Variants in MGAT4C observed in about 807,000 individuals in gnomAD.
MGAT4C encodes alpha-1,3-mannosyl-glycoprotein 4-beta-N-acetylglucosaminyltransferase C.
Under a neutral mutation model 40.1 loss-of-function variants are expected in MGAT4C, and 19 were observed. The ratio of observed to expected loss-of-function variants is 0.47; its 90% confidence interval spans 0.33 to 0.70. The LOEUF (loss-of-function observed/expected upper bound fraction) is 0.70, where lower values mean the gene tolerates loss of function less well. Among genes scored for constraint, MGAT4C ranks in the 30% least tolerant of loss-of-function variants. MGAT4C has a pLI of 0.02. For synonymous variants in MGAT4C, 181 were observed against 187.1 expected (o/e 0.97, Z 0.27); for missense variants, 491 against 563.2 (o/e 0.87, Z 1.30).
chr12:86,416,646 G>A (rs975850227), intron 3 of MGAT4C, among the ~76,000 whole-genome samples: 1 of 152,076 alleles, frequency 6.6e-6, no homozygotes. Flanking sequence ...CATGTAAATG[G>A]CACTTGATAT....
At chr12:86,231,234 GA>G (rs1006127878) in intron 1 of MGAT4C, among the ~76,000 whole-genome samples, 1 of 152,090 alleles carries the variant, frequency 6.6e-6, no homozygotes, top group Non-Finnish European at 1.5e-5. Context: ...GCACATATTT[GA>G]AAAGAGAACT....
intron 1 of MGAT4C, among the ~76,000 whole-genome samples, chr12:86,080,083 T>C (rs1870543927): frequency 2.0e-5 from 3 of 152,154 alleles, no homozygotes; most frequent in Admixed American, 2.0e-4. Flanking sequence ...TAAGATTCCC[T>C]CACCAAGCAT....
At chr12:86,805,853 T>C (rs569909933) in intron 1 of MGAT4C, among the ~76,000 whole-genome samples, 2 of 152,168 alleles carry the variant, frequency 1.3e-5, no homozygotes, top group East Asian at 1.9e-4. Context: ...TGTATAAGCA[T>C]TCCTTTCCCT....
intron 4 of MGAT4C, among the ~76,000 whole-genome samples, chr12:86,280,579 A>T (rs1261949250): frequency 1.3e-5 from 2 of 151,908 alleles, no homozygotes; most frequent in African/African-American, 4.8e-5. Context: ...ATGCTTTTTC[A>T]TGCTTTATTG....
Position 86,156,476 on chromosome 12 carries a change from C to T in MGAT4C, c.-57+99763G>A, listed in dbSNP as rs139927408. Among the ~76,000 whole-genome samples the T allele has an allele frequency of 3.6e-3, 550 of 152,244 alleles. 2 individuals are homozygous for T. The highest frequency in any genetic ancestry group is 6.1e-3 in the Non-Finnish European group (412 of 68,016). On this transcript the variant is annotated intron_variant, in intron 1 of 4. Coordinates refer to ENST00000611864, the MANE Select transcript of MGAT4C (RefSeq NM_001351288.2). ...TAGCTGGTATTAAGGCATGCACCAC[C>T]ACGCCTGGCTAATTTTGTATTTTTA...
At chr12:86,476,946 G>C (rs1358592891) in intron 2 of MGAT4C, among the ~76,000 whole-genome samples, 1 of 151,952 alleles carries the variant, frequency 6.6e-6, no homozygotes, top group African/African-American at 2.4e-5. Context: ...TGATGAAGCG[G>C]GGCATGGACT....
At chr12:86,265,598 C>T (rs1285951888) in intron 4 of MGAT4C, among the ~76,000 whole-genome samples, 1 of 152,154 alleles carries the variant, frequency 6.6e-6, no homozygotes. Context: ...GTGATACCTC[C>T]AGGTTTTTTC....
rs185793926 is a variant in MGAT4C at position 85,957,279 on chromosome 12, C to G, written c.*22010G>C. The G allele has an allele frequency of 1.3e-5, 2 of 151,868 alleles. No individual in the cohort carries two copies. The highest frequency in any genetic ancestry group is 4.8e-5 in the African/African-American group (2 of 41,350). 9.4% of individuals were successfully genotyped at this position (151,868 alleles called of 1,614,324 possible). Reference sequence around the variant, plus strand: ...TAAAGTCATATTATTTGTGAAAGACCAAGGCCAAGGATCTTGCCCCTCATT... The same window carrying G: ...TAAAGTCATATTATTTGTGAAAGACGAAGGCCAAGGATCTTGCCCCTCATT... On this transcript the variant is annotated 3_prime_UTR_variant, in exon 5 of 5. Coordinates refer to ENST00000611864, the MANE Select transcript of MGAT4C (RefSeq NM_001351288.2).
At chr12:86,179,498 G>C (rs566158005) in intron 1 of MGAT4C, among the ~76,000 whole-genome samples, 11 of 152,332 alleles carry the variant, frequency 7.2e-5, no homozygotes, top group African/African-American at 2.6e-4. Context: ...ATGTGGGAAA[G>C]TTTGGAACTT....
At chr12:86,771,284 C>T (rs1002529427) in intron 1 of MGAT4C, among the ~76,000 whole-genome samples, 1 of 152,076 alleles carries the variant, frequency 6.6e-6, no homozygotes, top group Non-Finnish European at 1.5e-5. Flanking sequence ...GTCAAAGCAA[C>T]CCTAGCCAAA....
chr12:86,708,735 C>A (rs1423637664), intron 2 of MGAT4C, among the ~76,000 whole-genome samples: 4 of 152,112 alleles, frequency 2.6e-5, no homozygotes, highest in African/African-American at 7.2e-5. Flanking sequence ...CATTTTGGAG[C>A]CTAAAGATCT....
At chr12:86,620,971 G>A (rs2136488643) in intron 2 of MGAT4C, among the ~76,000 whole-genome samples, 1 of 152,164 alleles carries the variant, frequency 6.6e-6, no homozygotes, top group East Asian at 1.9e-4. Flanking sequence ...TGTACAGACT[G>A]CTGCTATATT....
intron 2 of MGAT4C, among the ~76,000 whole-genome samples, chr12:86,557,349 C>T (rs1202031571): frequency 2.6e-5 from 4 of 152,124 alleles, no homozygotes; most frequent in Admixed American, 1.3e-4. Flanking sequence ...CTGTACAAGT[C>T]GCTTGGGGTC....
intron 2 of MGAT4C, among the ~76,000 whole-genome samples, chr12:86,600,830 C>T (rs1167470774): frequency 6.6e-6 from 1 of 152,224 alleles, no homozygotes; most frequent in Non-Finnish European, 1.5e-5. Flanking sequence ...CTCCGGCATC[C>T]CTGTACTCTC....
At chr12:86,157,072 A>T (rs761641513) in intron 1 of MGAT4C, among the ~76,000 whole-genome samples, 4 of 152,108 alleles carry the variant, frequency 2.6e-5, no homozygotes, top group Non-Finnish European at 5.9e-5. Flanking sequence ...GTAAGTATAG[A>T]TCATGTCAGA....
rs554583308 is a variant in MGAT4C at position 86,484,538 on chromosome 12, G to C, written c.-228-49273C>G. ...GGATCCCCCAACACAGCCAGTGTCT[G>C]ATCTCGAGGGGCAAAAGGATGTAGC... is the stretch of plus-strand genomic sequence containing the variant. On this transcript the variant is annotated intron_variant, in intron 2 of 7. Transcript: ENST00000548651. Among the ~76,000 whole-genome samples, 5 of 152,334 alleles carry C rather than the reference G, an allele frequency of 3.3e-5. No individual in the cohort carries two copies. In the East Asian group the frequency reaches 9.7e-4, roughly 29 times the overall value.
At chr12:86,523,523 A>G (rs1958831659) in intron 2 of MGAT4C, among the ~76,000 whole-genome samples, 1 of 152,096 alleles carries the variant, frequency 6.6e-6, no homozygotes. Flanking sequence ...GATGAACTTT[A>G]TATTATGTTA....
intron 1 of MGAT4C, among the ~76,000 whole-genome samples, chr12:86,089,370 T>C (rs1431469570): frequency 6.6e-6 from 1 of 151,890 alleles, no homozygotes; most frequent in African/African-American, 2.4e-5. Flanking sequence ...TGTGGGCTAT[T>C]ATATATTCAG....
intron 1 of MGAT4C, among the ~76,000 whole-genome samples, chr12:86,775,998 T>A (rs1951742462): frequency 6.6e-6 from 1 of 152,068 alleles, no homozygotes; most frequent in African/African-American, 2.4e-5. Flanking sequence ...TTATGACTTT[T>A]AAAATTTCAG....
Sources: gnomAD v4.1 joint callset for allele counts (sites outside exome capture counted in the v4.1 genomes callset) on GRCh38, gnomAD v4.1.1 for gene constraint, MANE v1.5 for transcripts, NCBI Gene and HGNC (gene_info 2026-07-23, HGNC 2026-07-21) for gene names.